MYCBP: variants seen among roughly 807,000 people sequenced by gnomAD.
MYCBP encodes MYC binding protein.
In MYCBP, 5 loss-of-function variants were observed where a neutral mutation model predicts 16.8. That is an observed-to-expected ratio of 0.30 (90% confidence interval 0.16 to 0.63). The LOEUF (loss-of-function observed/expected upper bound fraction) is 0.63. Ranked by LOEUF, MYCBP falls within the 20% of genes least tolerant of loss-of-function variation. The probability of loss-of-function intolerance (pLI) is 0.83; values close to 1 mark genes in which losing one functional copy is unlikely to be tolerated. For missense variants in MYCBP, 103 were observed against 121.8 expected, an observed-to-expected ratio of 0.85 and a Z score of 0.73; for synonymous variants, 35 against 43.7, an observed-to-expected ratio of 0.80 and a Z score of 0.79.
intron 2 of MYCBP, among the ~76,000 whole-genome samples, chr1:38,868,105 G>A (rs1054756953): frequency 6.6e-6 from 1 of 152,186 alleles, no homozygotes; most frequent in Admixed American, 6.5e-5. Context: ...TAATTAAACA[G>A]TTTAAAGGAA....
At chr1:38,869,181 C>A (rs12065972) in intron 2 of MYCBP, among the ~76,000 whole-genome samples, 2 of 151,646 alleles carry the variant, frequency 1.3e-5, no homozygotes, top group Non-Finnish European at 2.9e-5. Context: ...CCCCGCCTCC[C>A]AGGTTCAAGC....
At chr1:38,870,551 T>C (rs1275661100) in intron 2 of MYCBP, among the ~76,000 whole-genome samples, 1 of 149,646 alleles carries the variant, frequency 6.7e-6, no homozygotes, top group East Asian at 2.0e-4. Context: ...CCCAGCACTT[T>C]GGGAGGCCGA....
rs192541363 is a variant in MYCBP at position 38,868,227 on chromosome 1, A to G, written c.89-617T>C. Among the ~76,000 whole-genome samples, 145 of 152,372 alleles carry G rather than the reference A, an allele frequency of 9.5e-4. 2 individuals carry two copies. The highest frequency in any genetic ancestry group is 3.3e-3 in the African/African-American group (137 of 41,590). On this transcript the variant is annotated intron_variant, in intron 2 of 4. Coordinates refer to ENST00000397572, the MANE Select transcript of MYCBP (RefSeq NM_012333.5). ...ATGTGGTAATCCAGTTTAAAAAGAC[A>G]GCAACCTGCAGTAGAGTGATGGGAG...
chr1:38,866,960 C>G lies in MYCBP; in HGVS notation c.187G>C (p.Glu63Gln), dbSNP rs757787165. 4 of 1,610,484 alleles carry G rather than the reference C, an allele frequency of 2.5e-6. No homozygotes were observed. The South Asian group carries it at 3.3e-5, about 13-fold the overall frequency. The part of the protein sequence containing the change: ...GAATPENPEI[E>Q]LLRLELAEMK... ...TCGGCCAGTTCTAGGCGAAGCAGCT[C>G]TATTTCTGGATTTTCTGGAGTAGCA... Residue 63 changes from glutamate (E) to glutamine (Q), a missense_variant, in exon 4 of 5, where the codon GAG becomes CAG. By Grantham distance (29) the Glu-to-Gln change is conservative. Coordinates refer to ENST00000397572, the MANE Select transcript of MYCBP (RefSeq NM_012333.5).
intron 4 of MYCBP, 91 bp from the exon 5 acceptor site, chr1:38,864,805 T>A: frequency 8.7e-7 from 1 of 1,148,410 alleles, no homozygotes; most frequent in African/African-American, 1.5e-5. Flanking sequence ...TTCAACTTAG[T>A]TACTGTCAGT....
chr1:38,868,958 C>A (rs1642400990), intron 2 of MYCBP, among the ~76,000 whole-genome samples: 1 of 152,038 alleles, frequency 6.6e-6, no homozygotes, highest in Non-Finnish European at 1.5e-5. Flanking sequence ...GATATCTAGA[C>A]CCCAAGTTAA....
At chr1:38,867,069 G>C in intron 3 of MYCBP, 60 bp from the exon 4 acceptor site, 4 of 1,481,666 alleles carry the variant, frequency 2.7e-6, no homozygotes, top group Non-Finnish European at 3.7e-6. Context: ...AAATAGCACA[G>C]AGTAGTATCA....
intron 2 of MYCBP, among the ~76,000 whole-genome samples, chr1:38,868,390 A>G (rs926092235): frequency 3.3e-5 from 5 of 152,224 alleles, no homozygotes; most frequent in African/African-American, 1.2e-4. Context: ...ACCAACCAAA[A>G]ACTTTACCAG....
intron 2 of MYCBP, 100 bp downstream of exon 2, chr1:38,872,918 C>T (rs759815632): frequency 5.5e-5 from 76 of 1,374,340 alleles, no homozygotes; most frequent in Non-Finnish European, 7.4e-5. Context: ...CGGGCCCCAT[C>T]TGTTTCCCCT....
intron 3 of MYCBP, 82 bp downstream of exon 3, chr1:38,867,480 T>A: frequency 1.8e-6 from 2 of 1,116,482 alleles, no homozygotes; most frequent in South Asian, 2.9e-5. Context: ...TTTCTCAATA[T>A]TCAGAAGTAT....
At chr1:38,871,231 G>A (rs1642458791) in intron 2 of MYCBP, among the ~76,000 whole-genome samples, 1 of 152,050 alleles carries the variant, frequency 6.6e-6, no homozygotes, top group South Asian at 2.1e-4. Flanking sequence ...CATCTTCTGT[G>A]TAGTCAGTTA....
intron 2 of MYCBP, among the ~76,000 whole-genome samples, chr1:38,871,427 C>CTTT (rs71573793): frequency 0.094 from 10,333 of 110,450 alleles, 978 homozygotes; most frequent in Non-Finnish European, 0.14. Flanking sequence ...CCACCTGTCA[C>CTTT]TTTTTTTTTT....
At chr1:38,872,704 G>A (rs1482408058) in intron 2 of MYCBP, 1 of 407,580 alleles carries the variant, frequency 2.5e-6, no homozygotes, top group African/African-American at 2.1e-5. Context: ...AAGGTGGGAG[G>A]AATTGGGATC....
rs1642282323 is a variant in MYCBP at position 38,863,647 on chromosome 1, A to T, written c.*1023T>A. The T allele has an allele frequency of 6.6e-6, 1 of 152,666 alleles. No individual in the cohort carries two copies. Among genetic ancestry groups the T allele is most frequent in the Admixed American group, 6.5e-5 (1 of 15,288 alleles). The allele number at this position is 152,666 out of a possible 1,614,324, so 9.5% of individuals were successfully genotyped here. ...TCAGAGTAGTTCACTGATAATGCCC[A>T]AGGCTCTACAGTTAGTGAGTGATTT... On this transcript the variant is annotated 3_prime_UTR_variant, in exon 5 of 5. Coordinates refer to ENST00000397572, the MANE Select transcript of MYCBP (RefSeq NM_012333.5).
chr1:38,873,208 C>T, intron 1 of MYCBP, 83 bp downstream of exon 1: 1 of 1,570,352 alleles, frequency 6.4e-7, no homozygotes, highest in Non-Finnish European at 8.6e-7. Flanking sequence ...CCCAAACCTG[C>T]GCGCGCGACC....
intron 1 of MYCBP, 24 bp downstream of exon 1, chr1:38,873,267 C>T (rs1230100186): frequency 1.9e-6 from 3 of 1,599,586 alleles, no homozygotes; most frequent in African/African-American, 1.3e-5. Flanking sequence ...CCGCATGCCC[C>T]CAGCCACGCC....
rs936360353 is a variant in MYCBP, at chr1:38,863,374, G to A, written c.*1296C>T. The A allele has an allele frequency of 5.9e-5, 9 of 152,216 alleles. No homozygotes were observed. The highest frequency in any genetic ancestry group is 5.2e-4 in the Admixed American group (8 of 15,286). 9.4% of individuals were successfully genotyped at this position (152,216 alleles called of 1,614,324 possible). On this transcript the variant is annotated 3_prime_UTR_variant, in exon 5 of 5. Coordinates refer to ENST00000397572, the MANE Select transcript of MYCBP (RefSeq NM_012333.5). ...CAAAGATAGGTTCTCTAACAACAGG[G>A]AGAGAATATATGAAATAGGAATATG...
chr1:38,868,522 C>T (rs1393254216), intron 2 of MYCBP, among the ~76,000 whole-genome samples: 15 of 152,176 alleles, frequency 9.9e-5, no homozygotes, highest in Admixed American at 9.8e-4. Context: ...GAATTTACTA[C>T]TTAGATAAAA....
At chr1:38,867,429 A>G (rs888948048) in intron 3 of MYCBP, 133 bp downstream of exon 3, 11 of 739,046 alleles carry the variant, frequency 1.5e-5, no homozygotes, top group Non-Finnish European at 2.4e-5. Context: ...ACCAGGTGAC[A>G]GTACAAGACT....
Sources: allele counts gnomAD v4.1 joint callset (sites outside exome capture counted in the v4.1 genomes callset), GRCh38; gene constraint gnomAD v4.1.1; transcripts MANE v1.5; gene names NCBI Gene and HGNC (gene_info 2026-07-23, HGNC 2026-07-21).